FAAP100: variants seen among roughly 807,000 people sequenced by gnomAD.
FAAP100 encodes FA core complex associated protein 100.
FAAP100 carries 46 observed loss-of-function variants against 65.8 expected under a neutral mutation model. The ratio of observed to expected loss-of-function variants is 0.70; its 90% confidence interval spans 0.55 to 0.89. FAAP100 has a LOEUF of 0.89. Ranked by LOEUF, FAAP100 falls within the 40% of genes least tolerant of loss-of-function variation. The pLI, the probability that FAAP100 is intolerant of heterozygous loss-of-function variation, is 0.00. For synonymous variants in FAAP100, 663 were observed against 555.1 expected (o/e 1.19, Z -2.73); for missense variants, 1,165 against 1,196.7 (o/e 0.97, Z 0.39).
In FAAP100 at chr17:81,547,137, T is replaced by C. The variant is rs751344435; in HGVS notation, c.1945A>G (p.Met649Val). 9 of 1,533,970 alleles carry C rather than the reference T, an allele frequency of 5.9e-6. No individual in the cohort carries two copies. Among genetic ancestry groups the C allele is most frequent in the Admixed American group, 2.0e-5 (1 of 48,932 alleles). ...CLPLSRHTVD[M>V]LQCLRFPGLA... ...CCAGGGAAGCGCAGACACTGCAGCA[T>C]GTCCACTGTGTGCCTGCTCAGGGGC... Residue 649 changes from methionine to valine, a missense_variant, in exon 5 of 9, where the codon ATG becomes GTG. Transcript: ENST00000327787.
Position 81,546,918 on chromosome 17 carries a change from C to A in FAAP100, c.2164G>T (p.Gly722Cys). The A allele has an allele frequency of 7.2e-7, 1 of 1,391,880 alleles. No homozygotes were observed. The highest frequency in any genetic ancestry group is 9.4e-7 in the Non-Finnish European group (1 of 1,066,276). 86.2% of individuals were successfully genotyped at this position (1,391,880 alleles called of 1,614,324 possible). The change falls in exon 5 of 9, where the codon GGC becomes TGC. Residue 722 changes from glycine (G) to cysteine (C), a missense_variant. Physicochemically the swap from Gly to Cys is radical, Grantham distance 159. Coordinates refer to ENST00000327787, the MANE Select transcript of FAAP100 (RefSeq NM_025161.6). ...AELLRAALKD[G>C]HSGVPLCCAT... is the part of the protein sequence containing the mutation. Reference sequence around the variant, plus strand: ...AAGCAGTGCCACCAACCTGAGTGGCCGTCCTTCAAGGCAGCTCTGAGCAGC... The same window carrying A: ...AAGCAGTGCCACCAACCTGAGTGGCAGTCCTTCAAGGCAGCTCTGAGCAGC...
intron 3 of FAAP100, among the ~76,000 whole-genome samples, chr17:81,549,653 G>T (rs1215970044): frequency 6.6e-6 from 1 of 152,216 alleles, no homozygotes; most frequent in African/African-American, 2.4e-5. Context: ...ATTTTCTGTG[G>T]CGAGATTTAT....
At position 81,540,612 on chromosome 17, in the gene FAAP100, C is replaced by G; in HGVS notation, c.*207G>C. On this transcript the variant is annotated 3_prime_UTR_variant, in exon 9 of 9. Coordinates refer to ENST00000327787, the MANE Select transcript of FAAP100 (RefSeq NM_025161.6). ...GAAGCTGGACCGGCCAGGTTCAGAG[C>G]CCGCCTCGGTTGCTCCCAATCAGAA... 1 of 639,332 alleles carries G rather than the reference C, an allele frequency of 1.6e-6. No homozygotes were observed. The highest frequency in any genetic ancestry group is 3.5e-5 in the South Asian group (1 of 28,902). 39.6% of individuals were successfully genotyped at this position (639,332 alleles called of 1,614,324 possible).
At chr17:81,551,413 C>G (rs1159418794) in intron 2 of FAAP100, among the ~76,000 whole-genome samples, 1 of 152,250 alleles carries the variant, frequency 6.6e-6, no homozygotes, top group African/African-American at 2.4e-5. Context: ...CAGCGTGAAC[C>G]GACACCTGTC....
At position 81,540,616 on chromosome 17, in the gene FAAP100, C is replaced by CCCGA. The variant is rs1180913657; in HGVS notation, c.*202_*203insTCGG. ...CTGGACCGGCCAGGTTCAGAGCCCG[C>CCCGA]CTCGGTTGCTCCCAATCAGAATCTG... On this transcript the variant is annotated 3_prime_UTR_variant, in exon 9 of 9. Transcript: ENST00000327787. The CCCGA allele has an allele frequency of 1.5e-6, 1 of 666,082 alleles. No homozygotes were observed. 41.3% of individuals were successfully genotyped at this position (666,082 alleles called of 1,614,324 possible). A position where few individuals can be genotyped will look rare whatever the true frequency, so the allele number is the denominator to read the frequency against.
intron 7 of FAAP100, 93 bp from the exon 8 acceptor site, chr17:81,541,488 T>A: frequency 9.1e-7 from 1 of 1,103,268 alleles, no homozygotes; most frequent in Non-Finnish European, 1.3e-6. Context: ...TCGAGCTGCC[T>A]GGTGCTGCCT....
At chr17:81,551,835 G>A in intron 2 of FAAP100, 93 bp downstream of exon 2, 2 of 1,397,700 alleles carry the variant, frequency 1.4e-6, no homozygotes, top group Non-Finnish European at 1.8e-6. Flanking sequence ...CGGCAGCCCG[G>A]GTCCCCAAGC....
chr17:81,545,337 CAG>C (rs1425161552), intron 6 of FAAP100, among the ~76,000 whole-genome samples: 4 of 152,362 alleles, frequency 2.6e-5, no homozygotes, highest in South Asian at 2.1e-4. Flanking sequence ...GTGTGCACGA[CAG>C]GGGCTGGAGA....
rs34592766 is a variant in FAAP100, at chr17:81,551,751, A to T, written c.290+177T>A. The T allele has an allele frequency of 3.6e-3, 4,920 of 1,365,212 alleles. 156 individuals carry two copies. The African/African-American group carries it at 0.066, about 18-fold the overall frequency. 84.6% of individuals were successfully genotyped at this position (1,365,212 alleles called of 1,614,324 possible). ...ACTTACTAAGGACTGTGAGCAAGAC[A>T]CTTGCAGAAAGAGTGCTGGGGGCAG... is the stretch of plus-strand genomic sequence containing the variant. On this transcript the variant is annotated intron_variant, in intron 2 of 8. Coordinates refer to ENST00000327787, the MANE Select transcript of FAAP100 (RefSeq NM_025161.6).
chr17:81,542,194 AAAAAAAATATATATATATATATATAT>A (rs2033134971), intron 7 of FAAP100, among the ~76,000 whole-genome samples: 2 of 17,056 alleles, frequency 1.2e-4, no homozygotes. Context: ...AAAAAAAAAA[AAAAAAAATATATATATATATATATAT>A]ATATATATAT....
intron 2 of FAAP100, chr17:81,551,640 G>T: frequency 8.1e-7 from 1 of 1,238,688 alleles, no homozygotes; most frequent in Non-Finnish European, 1.0e-6. Flanking sequence ...CAACCTCGGG[G>T]GCGTGTCTCA....
At chr17:81,551,662 C>T (rs2033499756) in intron 2 of FAAP100, 2 of 1,294,474 alleles carry the variant, frequency 1.5e-6, no homozygotes, top group Non-Finnish European at 2.0e-6. Context: ...CAGACAGCAC[C>T]GGGCCACCAG....
rs745798604 is a variant in FAAP100 at position 81,544,171 on chromosome 17, CG to C, written c.2311-52del. 2.0e-5 allele frequency: 29 copies of C among 1,474,108 alleles called. No homozygotes were observed. In the Middle Eastern group the frequency reaches 1.4e-3, roughly 72 times the overall value. The allele number at this position is 1,474,108 out of a possible 1,614,324, so 91.3% of individuals were successfully genotyped here. On this transcript the variant is annotated intron_variant, in intron 6 of 8. Transcript: ENST00000327787. ...CCTGCCTGTGGCACTCCCACCTGCCCGGGGGGCTCAGGCTACACAGGAGCCT... is the reference window on the plus strand; with the variant it reads ...CCTGCCTGTGGCACTCCCACCTGCCCGGGGGCTCAGGCTACACAGGAGCCT...
rs978017006 is a variant in FAAP100 at position 81,540,091 on chromosome 17, C to T, written c.*728G>A. On this transcript the variant is annotated 3_prime_UTR_variant, in exon 9 of 9. Transcript: ENST00000327787. ...CTCAGGGCCCCCCCCCGGGCCACAG[C>T]GCCACCCTGAGTGGCCCTGAAAATA... 1.3e-5 allele frequency: 5 copies of T among 398,508 alleles called. No individual in the cohort carries two copies. Among genetic ancestry groups the T allele is most frequent in the Middle Eastern group, 6.3e-4 (1 of 1,592 alleles). The allele number at this position is 398,508 out of a possible 1,614,324, so 24.7% of individuals were successfully genotyped here.
intron 7 of FAAP100, among the ~76,000 whole-genome samples, chr17:81,542,414 T>G (rs2033150327): frequency 6.6e-6 from 1 of 151,924 alleles, no homozygotes; most frequent in African/African-American, 2.4e-5. Flanking sequence ...AATTTCCAGA[T>G]GAGCCTGGGC....
At position 81,540,915 on chromosome 17, in the gene FAAP100, C is replaced by CCGGTCG; in HGVS notation, c.2544_2549dup (p.Asp849_Arg850dup). 6.3e-7 allele frequency: 1 copy of CCGGTCG among 1,591,970 alleles called. No homozygotes were observed. The highest frequency in any genetic ancestry group is 1.1e-5 in the South Asian group (1 of 88,850). ...AGCTGGCCTCATCCTCCGTGCAGAGCCGGTCGCGCAGGGTCTGCACCTCCC... is the reference window on the plus strand; with the variant it reads ...AGCTGGCCTCATCCTCCGTGCAGAGCCGGTCGCGGTCGCGCAGGGTCTGCACCTCCC... On this transcript the variant is annotated inframe_insertion, in exon 9 of 9. Transcript: ENST00000327787.
At position 81,547,386 on chromosome 17, in the gene FAAP100, T is replaced by C. The variant is rs1294207170; in HGVS notation, c.1696A>G (p.Thr566Ala). The change falls in exon 5 of 9, where the codon ACC becomes GCC. Residue 566 changes from threonine (T) to alanine (A), a missense_variant. By Grantham distance (58) the Thr-to-Ala change is moderately conservative. Transcript: ENST00000327787. Reference sequence around the variant, plus strand: ...GGGCCGAGCTGGTCCACGGGGATGGTGTAGGTGATGGCGGAGCAGGCCGAG... The same window carrying C: ...GGGCCGAGCTGGTCCACGGGGATGGCGTAGGTGATGGCGGAGCAGGCCGAG... The part of the protein sequence containing the change: ...LDSACSAITY[T>A]IPVDQLGPGA... 3.1e-6 allele frequency: 5 copies of C among 1,612,698 alleles called. No individual in the cohort carries two copies. Among genetic ancestry groups the C allele is most frequent in the Non-Finnish European group, 4.2e-6 (5 of 1,179,924 alleles).
Position 81,552,318 on chromosome 17 carries a change from C to A in FAAP100, c.13G>T (p.Ala5Ser). The part of the protein sequence containing the change: MAGA[A>S]PRVRYLAGFC... Reference sequence around the variant, plus strand: ...CCCGCCAGGTAGCGGACCCGCGGCGCGGCGCCGGCCATCGTGCGCGCGGGC... The same window carrying A: ...CCCGCCAGGTAGCGGACCCGCGGCGAGGCGCCGGCCATCGTGCGCGCGGGC... Residue 5 changes from alanine (A) to serine (S), a missense_variant, in exon 1 of 9, where the codon GCG becomes TCG. By Grantham distance (99) the Ala-to-Ser change is moderately conservative. Transcript: ENST00000327787. 4.3e-6 allele frequency: 6 copies of A among 1,397,168 alleles called. No individual in the cohort carries two copies. Among genetic ancestry groups the A allele is most frequent in the Non-Finnish European group, 5.5e-6 (6 of 1,085,342 alleles). 86.5% of individuals were successfully genotyped at this position (1,397,168 alleles called of 1,614,324 possible). A position where few individuals can be genotyped will look rare whatever the true frequency, so the allele number is the denominator to read the frequency against.
At position 81,544,081 on chromosome 17, in the gene FAAP100, C is replaced by T. The variant is rs1238045276; in HGVS notation, c.2350G>A (p.Ala784Thr). 6.2e-7 allele frequency: 1 copy of T among 1,612,660 alleles called. No individual in the cohort carries two copies. The highest frequency in any genetic ancestry group is 2.2e-5 in the East Asian group (1 of 44,884). The change falls in exon 7 of 9, where the codon GCC (alanine) becomes ACC (threonine). Residue 784 changes from alanine to threonine, a missense_variant. Transcript: ENST00000327787. ...GAGCTTTCCACTTGAATCTCCACGGCCTGGATGGGCCCTGCTGGGCACAGG... is the reference window on the plus strand; with the variant it reads ...GAGCTTTCCACTTGAATCTCCACGGTCTGGATGGGCCCTGCTGGGCACAGG... ...TDLCPAGPIQAVEIQVESSSL... is the reference protein window; with the variant it reads ...TDLCPAGPIQTVEIQVESSSL...
Sources: allele counts gnomAD v4.1 joint callset (sites outside exome capture counted in the v4.1 genomes callset), GRCh38; gene constraint gnomAD v4.1.1; transcripts MANE v1.5; gene names NCBI Gene and HGNC (gene_info 2026-07-23, HGNC 2026-07-21).